The following GARRE1 variants were observed in gnomAD, a reference collection of about 807,000 sequenced individuals.
GARRE1 encodes the protein granule associated Rac and RHOG effector protein 1.
GARRE1 carries 49 observed loss-of-function variants against 103.2 expected under a neutral mutation model. The ratio of observed to expected loss-of-function variants is 0.47; its 90% CI spans 0.38 to 0.60. The LOEUF is 0.60. Ranked by LOEUF, GARRE1 falls within the 20% of genes least tolerant of loss-of-function variation. The pLI is 0.00. For synonymous variants in GARRE1, 505 were observed against 532.8 expected, an observed-to-expected ratio of 0.95 and a Z score of 0.72; for missense variants, 1,199 against 1,370.5, an observed-to-expected ratio of 0.87 and a Z score of 1.98.
intron 3 of GARRE1, among the ~76,000 whole-genome samples, chr19:34,324,102 G>A (rs1324973838): frequency 6.6e-6 from 1 of 151,922 alleles, no homozygotes; most frequent in Non-Finnish European, 1.5e-5. Flanking sequence ...CCCCATCCTC[G>A]AGGGCCCAGC....
At chr19:34,287,716 G>T (rs1461960969) in intron 1 of GARRE1, among the ~76,000 whole-genome samples, 1 of 152,118 alleles carries the variant, frequency 6.6e-6, no homozygotes, top group African/African-American at 2.4e-5. Flanking sequence ...AGCACTGTCA[G>T]GTTCTCATGA....
At chr19:34,350,744 G>A (rs1461684581) in intron 12 of GARRE1, among the ~76,000 whole-genome samples, 4 of 152,026 alleles carry the variant, frequency 2.6e-5, no homozygotes, top group Non-Finnish European at 5.9e-5. Context: ...ACCATGCCCG[G>A]CTAATTTTTT....
At chr19:34,276,090 CTGGTGTGCAG>C (rs1176903042) in intron 1 of GARRE1, among the ~76,000 whole-genome samples, 2 of 152,086 alleles carry the variant, frequency 1.3e-5, no homozygotes, top group Non-Finnish European at 2.9e-5. Flanking sequence ...GTCTTCCAGA[CTGGTGTGCAG>C]TGGTGCCATC....
At chr19:34,333,230 C>T (rs540785663) in intron 7 of GARRE1, among the ~76,000 whole-genome samples, 16 of 151,438 alleles carry the variant, frequency 1.1e-4, no homozygotes, top group African/African-American at 3.4e-4. Flanking sequence ...TTAGTGGAGA[C>T]GGGGTTTCAC....
rs1011570026 is a variant in GARRE1, at chr19:34,330,817, C to T, written c.1263+470C>T. ...GCAGTGCAGTGGCGCAATCTCAACT[C>T]GCCGCCTTCTGGGCTCAAGTGATTC... is the stretch of plus-strand genomic sequence containing the variant. On this transcript the variant is annotated intron_variant, in intron 7 of 13. Coordinates refer to ENST00000299505, the MANE Select transcript of GARRE1 (RefSeq NM_014686.5). Among the ~76,000 whole-genome samples, 34 of 149,636 alleles carry T rather than the reference C, an allele frequency of 2.3e-4. 1 individual carries two copies. The highest frequency in any genetic ancestry group is 7.2e-4 in the African/African-American group (29 of 40,518).
Position 34,353,221 on chromosome 19 carries a change from C to A in GARRE1, c.*266C>A. 1 of 476,122 alleles carries A rather than the reference C, an allele frequency of 2.1e-6. No homozygotes were observed. The highest frequency in any genetic ancestry group is 3.7e-6 in the Non-Finnish European group (1 of 269,034). 29.5% of individuals were successfully genotyped at this position (476,122 alleles called of 1,614,324 possible). On this transcript the variant is annotated 3_prime_UTR_variant, in exon 14 of 14. Transcript: ENST00000299505. ...GGGGCTTGCTAGGGAACCTGCATGCCTAGTAAGCGCCACAGGTGACTCTGA... is the reference window on the plus strand; with the variant it reads ...GGGGCTTGCTAGGGAACCTGCATGCATAGTAAGCGCCACAGGTGACTCTGA...
At chr19:34,317,688 C>G (rs2145257676) in intron 2 of GARRE1, among the ~76,000 whole-genome samples, 1 of 152,330 alleles carries the variant, frequency 6.6e-6, no homozygotes, top group Middle Eastern at 3.4e-3. Flanking sequence ...CCACCACATG[C>G]AGATTGTGTC....
intron 8 of GARRE1, among the ~76,000 whole-genome samples, chr19:34,337,819 A>G (rs1599779501): frequency 6.6e-6 from 1 of 152,362 alleles, no homozygotes; most frequent in South Asian, 2.1e-4. Flanking sequence ...ACTCTTTTCT[A>G]CATGGCCAAC....
Position 34,353,131 on chromosome 19 carries a change from G to A in GARRE1, c.*176G>A. On this transcript the variant is annotated 3_prime_UTR_variant, in exon 14 of 14. Coordinates refer to ENST00000299505, the MANE Select transcript of GARRE1 (RefSeq NM_014686.5). ...TTGGCAGCTCCAAGCCTTTAAACCT[G>A]GCTTCTGAAACGATGGCATCAGAGC... The A allele has an allele frequency of 1.7e-6, 1 of 605,448 alleles. No homozygotes were observed. 37.5% of individuals were successfully genotyped at this position (605,448 alleles called of 1,614,324 possible). A position where few individuals can be genotyped will look rare whatever the true frequency, so the allele number is the denominator to read the frequency against.
intron 2 of GARRE1, among the ~76,000 whole-genome samples, chr19:34,306,898 A>G (rs1489739746): frequency 6.6e-6 from 1 of 152,054 alleles, no homozygotes; most frequent in Non-Finnish European, 1.5e-5. Flanking sequence ...TCATGTAGCT[A>G]GAAGGGAGTT....
At chr19:34,348,900 A>G (rs1264857907) in intron 11 of GARRE1, 116 bp from the exon 12 acceptor site, 9 of 1,192,730 alleles carry the variant, frequency 7.5e-6, no homozygotes, top group East Asian at 2.4e-5. Flanking sequence ...GGGAGAGACA[A>G]GAGACCACTA....
At chr19:34,349,300 C>T (rs2074226382) in intron 12 of GARRE1, 147 bp downstream of exon 12, 1 of 775,806 alleles carries the variant, frequency 1.3e-6, no homozygotes. Flanking sequence ...TGGCTGAAGC[C>T]TCTGAAGAGC....
chr19:34,277,613 T>G (rs2073824462), intron 1 of GARRE1, among the ~76,000 whole-genome samples: 2 of 152,174 alleles, frequency 1.3e-5, no homozygotes, highest in Admixed American at 6.6e-5. Flanking sequence ...AGGCATATAA[T>G]TATATGTTTA....
At position 34,330,303 on chromosome 19, in the gene GARRE1, G is replaced by A. The variant is rs749569326; in HGVS notation, c.1219G>A (p.Ala407Thr). 5 of 1,614,220 alleles carry A rather than the reference G, an allele frequency of 3.1e-6. No homozygotes were observed. The East Asian group carries it at 6.7e-5, about 22-fold the overall frequency. The change falls in exon 7 of 14, where the codon GCC becomes ACC. Residue 407 changes from alanine (A) to threonine (T), a missense_variant. By Grantham distance (58) the Ala-to-Thr change is moderately conservative. Transcript: ENST00000299505. Reference protein sequence around the residue: ...NQVCPSTWRGACKTAVQLLFG... With the variant: ...NQVCPSTWRGTCKTAVQLLFG... ...GGTTTGCCCTTCCACATGGCGAGGT[G>A]CCTGCAAGACGGCGGTGCAGCTGCT...
At chr19:34,292,635 G>A (rs925089086) in intron 1 of GARRE1, among the ~76,000 whole-genome samples, 12 of 152,106 alleles carry the variant, frequency 7.9e-5, no homozygotes, top group Non-Finnish European at 1.3e-4. Context: ...GAGCACAGTG[G>A]CACGATTTCG....
intron 1 of GARRE1, among the ~76,000 whole-genome samples, chr19:34,291,725 T>A (rs1010103220): frequency 6.6e-6 from 1 of 152,246 alleles, no homozygotes; most frequent in Admixed American, 6.5e-5. Flanking sequence ...ACTATTGCAC[T>A]GGGGATTAAG....
chr19:34,349,276 C>G (rs1175267531), intron 12 of GARRE1, 123 bp downstream of exon 12: 1 of 965,844 alleles, frequency 1.0e-6, no homozygotes, highest in Non-Finnish European at 1.5e-6. Flanking sequence ...AGGAGGGGCT[C>G]TTCCAGCAAT....
intron 9 of GARRE1, among the ~76,000 whole-genome samples, chr19:34,341,096 C>G (rs978291743): frequency 5.9e-5 from 9 of 152,166 alleles, no homozygotes; most frequent in African/African-American, 2.2e-4. Context: ...GGCTGTAGCC[C>G]CTGTCCTCCA....
intron 1 of GARRE1, among the ~76,000 whole-genome samples, chr19:34,264,610 G>T (rs1190953128): frequency 6.6e-6 from 1 of 152,146 alleles, no homozygotes; most frequent in Admixed American, 6.5e-5. Context: ...GTGTTAGCCA[G>T]GATGGTCTTG....
Sources: gnomAD v4.1 joint callset for allele counts (sites outside exome capture counted in the v4.1 genomes callset) on GRCh38, gnomAD v4.1.1 for gene constraint, MANE v1.5 for transcripts, NCBI Gene and HGNC (gene_info 2026-07-23, HGNC 2026-07-21) for gene names.